SERPINB7: variants seen among roughly 807,000 people sequenced by gnomAD.
SERPINB7 encodes the protein serpin B7.
Under a neutral mutation model 37.4 loss-of-function variants are expected in SERPINB7, and 31 were observed. The ratio of observed to expected loss-of-function variants is 0.83; its 90% CI spans 0.62 to 1.12. The LOEUF (loss-of-function observed/expected upper bound fraction) is 1.12. Ranked by LOEUF, SERPINB7 falls within the 50% of genes most tolerant of loss-of-function variation. The pLI, the probability that SERPINB7 is intolerant of heterozygous loss-of-function variation, is 0.00. For synonymous variants in SERPINB7, 163 were observed against 166.1 expected (o/e 0.98, Z 0.14); for missense variants, 521 against 455.3 (o/e 1.14, Z -1.31).
Position 63,782,540 on chromosome 18 carries a change from G to T in SERPINB7, c.168G>T (p.Lys56Asn), listed in dbSNP as rs770266684. 23 of 1,608,088 alleles carry T rather than the reference G, an allele frequency of 1.4e-5. No homozygotes were observed. Among genetic ancestry groups the T allele is most frequent in the Non-Finnish European group, 1.9e-5 (22 of 1,177,154 alleles). Reference protein sequence around the residue: ...AQDDSLSQIDKLLHVNTASGY... With the variant: ...AQDDSLSQIDNLLHVNTASGY... ...ATGACTCCCTCTCTCAGATTGATAAGGTCAGTCTCAGCTTTTGCAGTTAAT... is the reference window on the plus strand; with the variant it reads ...ATGACTCCCTCTCTCAGATTGATAATGTCAGTCTCAGCTTTTGCAGTTAAT... Residue 56 changes from lysine to asparagine, a missense_variant and splice_region_variant, in exon 2 of 8, where the codon AAG becomes AAT. Lys to Asn is a moderately conservative substitution (Grantham distance 94). Transcript: ENST00000398019.
chr18:63,754,506 T>C (rs571556329), intron 1 of SERPINB7, among the ~76,000 whole-genome samples: 3 of 152,270 alleles, frequency 2.0e-5, no homozygotes, highest in African/African-American at 7.2e-5. Flanking sequence ...AGCCCTGTCG[T>C]CTAAGGGTGG....
At chr18:63,757,349 A>C (rs1391951159) in intron 1 of SERPINB7, among the ~76,000 whole-genome samples, 1 of 152,234 alleles carries the variant, frequency 6.6e-6, no homozygotes, top group Non-Finnish European at 1.5e-5. Flanking sequence ...CAAAATGGGA[A>C]TCAAAAACTA....
chr18:63,789,370 C>T (rs1430461819), intron 2 of SERPINB7, among the ~76,000 whole-genome samples: 3 of 152,190 alleles, frequency 2.0e-5, no homozygotes, highest in African/African-American at 7.2e-5. Context: ...AGACAAACTT[C>T]ATCTATTTTC....
chr18:63,767,836 A>G (rs1482943492), intron 1 of SERPINB7, among the ~76,000 whole-genome samples: 3 of 152,080 alleles, frequency 2.0e-5, no homozygotes. Flanking sequence ...CTACACATTT[A>G]ATTTTGATAG....
intron 2 of SERPINB7, among the ~76,000 whole-genome samples, chr18:63,788,172 T>G (rs116195900): frequency 0.015 from 2,227 of 152,332 alleles, 55 homozygotes; most frequent in African/African-American, 0.051. Flanking sequence ...AGACAGACCC[T>G]TCAGGAGTGA....
intron 5 of SERPINB7, among the ~76,000 whole-genome samples, chr18:63,797,311 G>T (rs2049498663): frequency 6.6e-6 from 1 of 152,128 alleles, no homozygotes; most frequent in South Asian, 2.1e-4. Flanking sequence ...GACTAAGAAT[G>T]CAGTGTATAA....
intron 1 of SERPINB7, among the ~76,000 whole-genome samples, chr18:63,755,120 G>A (rs1306349007): frequency 1.3e-5 from 2 of 151,736 alleles, no homozygotes; most frequent in Non-Finnish European, 2.9e-5. Flanking sequence ...TAGCCAGGAT[G>A]GTCTCGATCT....
At chr18:63,786,396 C>G (rs1037840805) in intron 2 of SERPINB7, among the ~76,000 whole-genome samples, 3 of 151,378 alleles carry the variant, frequency 2.0e-5, no homozygotes, top group Non-Finnish European at 4.4e-5. Flanking sequence ...TACGTATACA[C>G]ACACGCATAT....
chr18:63,787,873 G>A (rs988687033), intron 2 of SERPINB7, among the ~76,000 whole-genome samples: 9 of 152,106 alleles, frequency 5.9e-5, no homozygotes, highest in African/African-American at 1.9e-4. Context: ...GGGCAGTACC[G>A]TCAAATTATA....
chr18:63,796,419 TG>T, intron 5 of SERPINB7, 36 bp downstream of exon 5: 3 of 1,219,810 alleles, frequency 2.5e-6, no homozygotes, highest in Non-Finnish European at 3.6e-6. Flanking sequence ...CTACAAGATT[TG>T]TCAGTTATAT....
intron 6 of SERPINB7, among the ~76,000 whole-genome samples, chr18:63,799,277 T>C (rs2049522038): frequency 6.6e-6 from 1 of 152,210 alleles, no homozygotes; most frequent in Non-Finnish European, 1.5e-5. Context: ...TTATAAAACA[T>C]ATATTCTTGG....
upstream of SERPINB7, among the ~76,000 whole-genome samples, chr18:63,772,062 T>C (rs978947610): frequency 3.9e-5 from 6 of 151,944 alleles, no homozygotes; most frequent in Non-Finnish European, 7.4e-5. Context: ...GATTATTTCC[T>C]CTCTTAGGTA....
chr18:63,776,701 G>A (rs62098574), intron 1 of SERPINB7, among the ~76,000 whole-genome samples: 2,904 of 150,768 alleles, frequency 0.019, 62 homozygotes, highest in East Asian at 0.055. Flanking sequence ...CCCAATGGAC[G>A]TCTAACAAGG....
At chr18:63,772,076 AGCGTACACTT>A (rs999072388), upstream of SERPINB7, among the ~76,000 whole-genome samples, 19 of 151,988 alleles carry the variant, frequency 1.3e-4, no homozygotes, top group Non-Finnish European at 2.4e-4. Flanking sequence ...TTAGGTAATA[AGCGTACACTT>A]GAGGCTGGAG....
chr18:63,795,574 A>AT lies in SERPINB7; in HGVS notation c.337-690dup, dbSNP rs1338719197. Among the ~76,000 whole-genome samples the AT allele has an allele frequency of 6.0e-5, 8 of 132,902 alleles. No homozygotes were observed. The East Asian group carries it at 1.8e-3, about 30-fold the overall frequency. 87.2% of individuals were successfully genotyped at this position (132,902 alleles called of 152,430 possible). On this transcript the variant is annotated intron_variant, in intron 4 of 7. Transcript: ENST00000398019. ...AGTGAGACATCGTCTCAAAAAAAGA[A>AT]TTAAAAAAAAAAAAAAAAGAAAAGA...
intron 2 of SERPINB7, among the ~76,000 whole-genome samples, chr18:63,790,803 G>A (rs1157033013): frequency 6.6e-6 from 1 of 152,086 alleles, no homozygotes; most frequent in Non-Finnish European, 1.5e-5. Flanking sequence ...ATACCCAAAG[G>A]ATTATAAATC....
Position 63,804,811 on chromosome 18 carries a change from C to T in SERPINB7, c.*176C>T, listed in dbSNP as rs1329168941. The T allele has an allele frequency of 3.3e-6, 2 of 608,962 alleles. No homozygotes were observed. The highest frequency in any genetic ancestry group is 3.1e-5 in the Admixed American group (1 of 31,872). 37.7% of individuals were successfully genotyped at this position (608,962 alleles called of 1,614,324 possible). On this transcript the variant is annotated 3_prime_UTR_variant, in exon 8 of 8. Transcript: ENST00000398019. ...CTTCCTAGACACCTGGTTGATTGTC[C>T]TGATCCCTGCTCTTAGCATTCTACC...
At chr18:63,770,842 C>T (rs1366126132), upstream of SERPINB7, among the ~76,000 whole-genome samples, 1 of 149,630 alleles carries the variant, frequency 6.7e-6, no homozygotes, top group African/African-American at 2.5e-5. Flanking sequence ...TCTTTTACAA[C>T]CTTACTTTAT....
At chr18:63,787,329 T>C (rs896308679) in intron 2 of SERPINB7, among the ~76,000 whole-genome samples, 18 of 152,210 alleles carry the variant, frequency 1.2e-4, no homozygotes, top group Non-Finnish European at 1.9e-4. Context: ...AAAACAGATA[T>C]GTATCATTTC....
Sources: allele counts gnomAD v4.1 joint callset (sites outside exome capture counted in the v4.1 genomes callset), GRCh38; gene constraint gnomAD v4.1.1; transcripts MANE v1.5; gene names NCBI Gene and HGNC (gene_info 2026-07-23, HGNC 2026-07-21).